ZNF24: variants seen among roughly 807,000 people sequenced by gnomAD.
ZNF24 encodes zinc finger protein 24.
ZNF24 carries 11 observed loss-of-function variants against 40.9 expected under a neutral mutation model. The ratio of observed to expected loss-of-function variants is 0.27; its 90% CI spans 0.17 to 0.45. The LOEUF (loss-of-function observed/expected upper bound fraction) is 0.45, where lower values mean the gene tolerates loss of function less well. ZNF24 is among the 20% of genes least tolerant of loss of function. The probability of loss-of-function intolerance (pLI) is 1.00; values close to 1 mark genes in which losing one functional copy is unlikely to be tolerated. For synonymous variants in ZNF24, 139 were observed against 154.7 expected, an observed-to-expected ratio of 0.90 and a Z score of 0.75; for missense variants, 293 against 437.7, an observed-to-expected ratio of 0.67 and a Z score of 2.95.
intron 3 of ZNF24, 25 bp from the exon 4 acceptor site, chr18:35,337,795 A>G (rs1569102617): frequency 2.6e-6 from 4 of 1,513,006 alleles, no homozygotes; most frequent in Non-Finnish European, 3.5e-6. Context: ...AAATGTAAAT[A>G]TCATTCATTA....
At position 35,340,676 on chromosome 18, in the gene ZNF24, G is replaced by C; in HGVS notation, c.-26C>G. 1 of 1,596,712 alleles carries C rather than the reference G, an allele frequency of 6.3e-7. No individual in the cohort carries two copies. The highest frequency in any genetic ancestry group is 1.1e-5 in the South Asian group (1 of 89,590). On this transcript the variant is annotated 5_prime_UTR_variant, in exon 2 of 4. Transcript: ENST00000261332. The surrounding 1 kb of genome is among the most constrained non-coding windows in gnomAD (Gnocchi z 4.6). ...TCTGATTTATAATATTTCAAGAAAA[G>C]ACAACTGAGGCAGAATATAAGCCTC...
Position 35,333,567 on chromosome 18 carries a change from C to A in ZNF24, c.*3665G>T, listed in dbSNP as rs1305221447. The A allele has an allele frequency of 6.6e-6, 1 of 152,020 alleles. No homozygotes were observed. The allele number at this position is 152,020 out of a possible 1,614,324, so 9.4% of individuals were successfully genotyped here. A position where few individuals can be genotyped will look rare whatever the true frequency, so the allele number is the denominator to read the frequency against. ...GGCCAAGAAACATGAAAAGATGTTC[C>A]TCCTCATTAATATTCAAAGAAAAGA... is the stretch of plus-strand genomic sequence containing the variant. On this transcript the variant is annotated 3_prime_UTR_variant, in exon 4 of 4. Transcript: ENST00000261332.
intron 3 of ZNF24, chr18:35,339,010 A>C: frequency 6.5e-7 from 1 of 1,535,768 alleles, no homozygotes; most frequent in Non-Finnish European, 8.7e-7. Context: ...ATGTGAAGAA[A>C]ACCTGCTCAG....
rs145901119 is a variant in ZNF24, at chr18:35,337,310, C to T, written c.1029G>A (p.Ser343=). Residue 343 remains serine (S), a synonymous_variant, in exon 4 of 4, where the codon TCG becomes TCA. Coordinates refer to ENST00000261332, the MANE Select transcript of ZNF24 (RefSeq NM_006965.4). The stretch of plus-strand genomic sequence containing the variant: ...TAAAAAGATTTGAGCTTTGACTATA[C>T]GATTTCCCACACTGAACGCATTCAT... ...KPYECVQCGK[S]YSQSSNLFRH... 5.9e-5 allele frequency: 95 copies of T among 1,606,816 alleles called. No individual in the cohort carries two copies. The African/African-American group carries it at 9.5e-4, about 16-fold the overall frequency.
rs977676132 is a variant in ZNF24 at position 35,334,381 on chromosome 18, C to G, written c.*2851G>C. On this transcript the variant is annotated 3_prime_UTR_variant, in exon 4 of 4. Coordinates refer to ENST00000261332, the MANE Select transcript of ZNF24 (RefSeq NM_006965.4). Reference sequence around the variant, plus strand: ...CTCTGAATCTTGCTTTCCTAGTCCACAAATCTAAGTGAGATAGGTACGGTG... The same window carrying G: ...CTCTGAATCTTGCTTTCCTAGTCCAGAAATCTAAGTGAGATAGGTACGGTG... 5 of 152,184 alleles carry G rather than the reference C, an allele frequency of 3.3e-5. No homozygotes were observed. The highest frequency in any genetic ancestry group is 6.5e-5 in the Admixed American group (1 of 15,278). 9.4% of individuals were successfully genotyped at this position (152,184 alleles called of 1,614,324 possible).
chr18:35,339,311 G>A (rs1267461065), intron 3 of ZNF24, among the ~76,000 whole-genome samples: 3 of 151,806 alleles, frequency 2.0e-5, no homozygotes, highest in Admixed American at 2.0e-4. Flanking sequence ...TAAATACTTA[G>A]AAAAAGGAAA....
chr18:35,342,136 C>T (rs2044974607), intron 1 of ZNF24, among the ~76,000 whole-genome samples: 1 of 151,688 alleles, frequency 6.6e-6, no homozygotes, highest in Admixed American at 6.6e-5. Context: ...GTGGAGGCTG[C>T]AGTGAGCCAA....
In ZNF24 at chr18:35,333,139, C is replaced by T. The variant is rs1471976984; in HGVS notation, c.*4093G>A. 6.6e-6 allele frequency: 1 copy of T among 152,012 alleles called. No homozygotes were observed. Among genetic ancestry groups the T allele is most frequent in the East Asian group, 1.9e-4 (1 of 5,180 alleles). The allele number at this position is 152,012 out of a possible 1,614,324, so 9.4% of individuals were successfully genotyped here. ...GACTAAAGAAATATTCACACACATG[C>T]ACAAAGACATCTGAATAGGATGTTT... On this transcript the variant is annotated 3_prime_UTR_variant, in exon 4 of 4. Coordinates refer to ENST00000261332, the MANE Select transcript of ZNF24 (RefSeq NM_006965.4).
chr18:35,337,942 C>T (rs796681924), intron 3 of ZNF24, 172 bp from the exon 4 acceptor site: 15 of 579,214 alleles, frequency 2.6e-5, no homozygotes, highest in African/African-American at 2.4e-4. Flanking sequence ...CTCTGAATAA[C>T]AGTATAACAT....
At chr18:35,342,558 C>T (rs1413148954) in intron 1 of ZNF24, 2 of 150,828 alleles carry the variant, frequency 1.3e-5, no homozygotes, top group African/African-American at 2.4e-5. Flanking sequence ...TTTTTTCAAA[C>T]ATTTTATATC....
Position 35,332,653 on chromosome 18 carries a change from A to C in ZNF24, c.*4579T>G, listed in dbSNP as rs1429438476. On this transcript the variant is annotated 3_prime_UTR_variant, in exon 4 of 4. Coordinates refer to ENST00000261332, the MANE Select transcript of ZNF24 (RefSeq NM_006965.4). ...TTAGCCTGGCTTAAGTTATATACCC[A>C]TTCTTTTATCACTGTGGCTAGGAAG... The C allele has an allele frequency of 1.3e-5, 2 of 152,648 alleles. No homozygotes were observed. Among genetic ancestry groups the C allele is most frequent in the Non-Finnish European group, 2.9e-5 (2 of 68,062 alleles). 9.5% of individuals were successfully genotyped at this position (152,648 alleles called of 1,614,324 possible). A position where few individuals can be genotyped will look rare whatever the true frequency, so the allele number is the denominator to read the frequency against.
At chr18:35,341,573 G>T (rs2044968756) in intron 1 of ZNF24, among the ~76,000 whole-genome samples, 1 of 152,202 alleles carries the variant, frequency 6.6e-6, no homozygotes, top group Admixed American at 6.5e-5. Flanking sequence ...CTGTTATTAT[G>T]GAGATGACAG....
In ZNF24 at chr18:35,333,249, A is replaced by C. The variant is rs1346006121; in HGVS notation, c.*3983T>G. On this transcript the variant is annotated 3_prime_UTR_variant, in exon 4 of 4. Coordinates refer to ENST00000261332, the MANE Select transcript of ZNF24 (RefSeq NM_006965.4). ...TAGTATTTAATCATATTCAACCATT[A>C]AAGAAATTTAAAGACCTGTTATCTT... The C allele has an allele frequency of 6.6e-6, 1 of 152,236 alleles. No individual in the cohort carries two copies. The highest frequency in any genetic ancestry group is 2.4e-5 in the African/African-American group (1 of 41,456). 9.4% of individuals were successfully genotyped at this position (152,236 alleles called of 1,614,324 possible).
rs1310983469 is a variant in ZNF24 at position 35,337,421 on chromosome 18, A to T, written c.918T>A (p.Pro306=). Residue 306 remains proline, a synonymous_variant, in exon 4 of 4, where the codon CCT becomes CCA. Transcript: ENST00000261332. The part of the protein sequence containing the change: ...QHQRVHTGEK[P]YKCLECGKAF... Reference sequence around the variant, plus strand: ...CTTTCCCACATTCAAGACATTTGTAAGGTTTTTCTCCAGTGTGGACTCTCT... The same window carrying T: ...CTTTCCCACATTCAAGACATTTGTATGGTTTTTCTCCAGTGTGGACTCTCT... The T allele has an allele frequency of 6.2e-7, 1 of 1,613,854 alleles. No homozygotes were observed. Among genetic ancestry groups the T allele is most frequent in the East Asian group, 2.2e-5 (1 of 44,894 alleles).
intron 3 of ZNF24, chr18:35,339,129 T>A: frequency 7.6e-7 from 1 of 1,324,176 alleles, no homozygotes; most frequent in Non-Finnish European, 1.0e-6. Flanking sequence ...GAGAAAGCAA[T>A]CTAGCAGTTT....
rs1313285750 is a variant in ZNF24 at position 35,335,928 on chromosome 18, G to GT, written c.*1303dup. 1.3e-5 allele frequency: 2 copies of GT among 152,090 alleles called. No homozygotes were observed. Among genetic ancestry groups the GT allele is most frequent in the Non-Finnish European group, 2.9e-5 (2 of 68,018 alleles). The allele number at this position is 152,090 out of a possible 1,614,324, so 9.4% of individuals were successfully genotyped here. A position where few individuals can be genotyped will look rare whatever the true frequency, so the allele number is the denominator to read the frequency against. On this transcript the variant is annotated 3_prime_UTR_variant, in exon 4 of 4. Transcript: ENST00000261332. ...AAGATTCACAAACTTCCAAATTGTG[G>GT]TAAGAGTATCGTGGACTCACCTCTG...
chr18:35,342,425 A>G (rs1401886983), intron 1 of ZNF24: 2 of 152,212 alleles, frequency 1.3e-5, no homozygotes, highest in African/African-American at 4.8e-5. Flanking sequence ...TATATGGTCT[A>G]TAGGAATGTA....
At position 35,340,417 on chromosome 18, in the gene ZNF24, A is replaced by T; in HGVS notation, c.234T>A (p.Arg78=). The T allele has an allele frequency of 2.5e-6, 4 of 1,614,222 alleles. No homozygotes were observed. Among genetic ancestry groups the T allele is most frequent in the Non-Finnish European group, 3.4e-6 (4 of 1,180,038 alleles). The part of the protein sequence containing the change: ...EAVSQLRELC[R]LWLRPETHTK... ...TGTGCGTCTCTGGCCTGAGCCACAG[A>T]CGGCAAAGTTCTCGGAGCTGGCTCA... Residue 78 remains arginine, a synonymous_variant, in exon 2 of 4, where the codon CGT becomes CGA. Transcript: ENST00000261332. This position sits in a 1 kb window ranked among gnomAD's most constrained non-coding sequence, Gnocchi z 4.6.
Position 35,340,080 on chromosome 18 carries a change from G to A in ZNF24, c.421-104C>T. On this transcript the variant is annotated intron_variant, in intron 2 of 3. Transcript: ENST00000261332. The surrounding 1 kb of genome is among the most constrained non-coding windows in gnomAD (Gnocchi z 4.6). ...AAACAAATACTGCAGAAGCCTAGAT[G>A]GCAAAGCGGCACAGATAACAAGGAG... The A allele has an allele frequency of 6.7e-7, 1 of 1,491,662 alleles. No individual in the cohort carries two copies. Among genetic ancestry groups the A allele is most frequent in the Non-Finnish European group, 9.1e-7 (1 of 1,097,120 alleles). The allele number at this position is 1,491,662 out of a possible 1,614,324, so 92.4% of individuals were successfully genotyped here.
Sources: gnomAD v4.1 joint callset for allele counts (sites outside exome capture counted in the v4.1 genomes callset) on GRCh38, gnomAD v4.1.1 for gene constraint, Gnocchi (gnomAD v3.1) non-coding constraint, MANE v1.5 for transcripts, NCBI Gene and HGNC (gene_info 2026-07-23, HGNC 2026-07-21) for gene names.